The following MAP4 variants were observed in gnomAD, a reference collection of about 807,000 sequenced individuals.
The protein encoded by MAP4 is microtubule associated protein 4, also known as microtubule-associated protein 4.
MAP4 carries 76 observed loss-of-function variants against 170.2 expected under a neutral mutation model. The ratio of observed to expected loss-of-function variants is 0.45; its 90% CI spans 0.37 to 0.54. MAP4 has a LOEUF of 0.54. MAP4 is among the 20% of genes least tolerant of loss of function. MAP4 has a pLI of 0.00. For missense variants in MAP4, 2,506 were observed against 2,748.0 expected, an observed-to-expected ratio of 0.91 and a Z score of 1.97; for synonymous variants, 909 against 994.5, an observed-to-expected ratio of 0.91 and a Z score of 1.62.
intron 17 of MAP4, among the ~76,000 whole-genome samples, chr3:47,859,629 T>C (rs987165885): frequency 4.6e-5 from 7 of 152,236 alleles, no homozygotes; most frequent in Admixed American, 3.9e-4. Context: ...CGTCTCTTTC[T>C]CATATCATCT....
intron 1 of MAP4, among the ~76,000 whole-genome samples, chr3:48,068,880 T>C (rs911442754): frequency 2.0e-5 from 3 of 152,236 alleles, no homozygotes; most frequent in Non-Finnish European, 4.4e-5. Flanking sequence ...ATGTATAGCA[T>C]TTACAGTGTG....
chr3:47,961,586 C>A (rs1254273716), intron 3 of MAP4, among the ~76,000 whole-genome samples: 2 of 152,166 alleles, frequency 1.3e-5, no homozygotes, highest in Non-Finnish European at 2.9e-5. Flanking sequence ...CTCTCAATTC[C>A]AAATCTACCT....
chr3:47,944,447 ACTG>A (rs2100058438), intron 3 of MAP4, among the ~76,000 whole-genome samples: 2 of 152,070 alleles, frequency 1.3e-5, no homozygotes, highest in South Asian at 2.1e-4. Context: ...ATATTATATG[ACTG>A]CTGTTTCCTC....
Position 47,852,641 on chromosome 3 carries a change from A to T in MAP4, c.*293T>A. The T allele has an allele frequency of 9.2e-7, 1 of 1,084,814 alleles. No homozygotes were observed. The highest frequency in any genetic ancestry group is 1.3e-6 in the Non-Finnish European group (1 of 778,826). 67.2% of individuals were successfully genotyped at this position (1,084,814 alleles called of 1,614,324 possible). On this transcript the variant is annotated 3_prime_UTR_variant, in exon 21 of 21. Transcript: ENST00000683076. ...AACCTCCTCCACGGAGCAGTGGCGC[A>T]GTGATGGGGCAAGACCAAAGCAGGG...
intron 8 of MAP4, among the ~76,000 whole-genome samples, chr3:47,914,460 G>T (rs779697854): frequency 6.6e-6 from 1 of 150,456 alleles, no homozygotes; most frequent in Non-Finnish European, 1.5e-5. Context: ...TGAGGCAGGA[G>T]AATCGCTTGA....
At chr3:48,055,252 C>T (rs2100130368) in intron 1 of MAP4, among the ~76,000 whole-genome samples, 1 of 152,058 alleles carries the variant, frequency 6.6e-6, no homozygotes. Flanking sequence ...CCATGGTCTC[C>T]CTCTCATGCG....
chr3:47,975,156 G>A, intron 3 of MAP4: 12 of 1,149,132 alleles, frequency 1.0e-5, no homozygotes, highest in Non-Finnish European at 1.3e-5. Flanking sequence ...AAGAAAACAA[G>A]AAATAAAAGA....
rs545884980 is a variant in MAP4 at position 47,906,575 on chromosome 3, C to T, written c.5383+2463G>A. Among the ~76,000 whole-genome samples the T allele has an allele frequency of 2.4e-3, 355 of 150,854 alleles. 1 individual carries two copies. The highest frequency in any genetic ancestry group is 6.8e-3 in the Middle Eastern group (2 of 292). On this transcript the variant is annotated intron_variant, in intron 9 of 20. Transcript: ENST00000683076. ...GTGCATGCCTGTAATCCCAGCTACT[C>T]GGGAGGCTGAGGCAGGAGAATCACT...
intron 1 of MAP4, among the ~76,000 whole-genome samples, chr3:48,031,451 C>T (rs1377150678): frequency 5.9e-5 from 9 of 151,800 alleles, no homozygotes; most frequent in African/African-American, 1.7e-4. Context: ...CTTGGGAGGC[C>T]GAGGCAGGAG....
chr3:47,947,282 GT>G (rs1266518058), intron 3 of MAP4, among the ~76,000 whole-genome samples: 1 of 152,142 alleles, frequency 6.6e-6, no homozygotes, highest in Admixed American at 6.5e-5. Flanking sequence ...CCTTGGAGGG[GT>G]TTTCCACTCC....
At chr3:47,983,228 A>G (rs2154299347) in intron 2 of MAP4, among the ~76,000 whole-genome samples, 1 of 152,190 alleles carries the variant, frequency 6.6e-6, no homozygotes, top group East Asian at 1.9e-4. Flanking sequence ...AATTTTTAAG[A>G]GAGAGGGTTT....
chr3:48,017,138 A>G (rs1160342021), upstream of MAP4, among the ~76,000 whole-genome samples: 6 of 151,396 alleles, frequency 4.0e-5, no homozygotes, highest in Admixed American at 1.3e-4. Flanking sequence ...TAATAGATGG[A>G]AAAAAAAATG....
chr3:47,893,962 A>G (rs2100025450), intron 10 of MAP4, among the ~76,000 whole-genome samples: 2 of 151,814 alleles, frequency 1.3e-5, no homozygotes, highest in Admixed American at 1.3e-4. Context: ...TATTCATACC[A>G]CTCAAGTTCC....
At chr3:48,078,204 G>A (rs2100144897) in intron 1 of MAP4, among the ~76,000 whole-genome samples, 1 of 152,024 alleles carries the variant, frequency 6.6e-6, no homozygotes, top group African/African-American at 2.4e-5. Flanking sequence ...TAGAGTGCAC[G>A]ATCATGGCTC....
At position 47,909,973 on chromosome 3, in the gene MAP4, G is replaced by C; in HGVS notation, c.4448C>G (p.Thr1483Ser). 2 of 1,614,014 alleles carry C rather than the reference G, an allele frequency of 1.2e-6. No individual in the cohort carries two copies. Among genetic ancestry groups the C allele is most frequent in the Non-Finnish European group, 1.7e-6 (2 of 1,179,896 alleles). Residue 1483 changes from threonine to serine, a missense_variant, in exon 9 of 21, where the codon ACC becomes AGC. This residue lies in a region of MAP4 where 2,008 missense variants were observed against 2,206.0 expected (regional missense o/e 0.91). Transcript: ENST00000683076. Reference sequence around the variant, plus strand: ...TTCTTGACCTGGGACTCCATCTTTGGTGTAGTTATCTACCATTAATGATTT... The same window carrying C: ...TTCTTGACCTGGGACTCCATCTTTGCTGTAGTTATCTACCATTAATGATTT... ...ISKSLMVDNY[T>S]KDGVPGQERP...
intron 3 of MAP4, among the ~76,000 whole-genome samples, chr3:47,971,817 T>C (rs1198015576): frequency 7.9e-5 from 12 of 152,170 alleles, no homozygotes; most frequent in Non-Finnish European, 1.5e-4. Flanking sequence ...TGTCTTTGCC[T>C]AGAACACCCT....
intron 4 of MAP4, among the ~76,000 whole-genome samples, chr3:47,925,756 CAG>C (rs1346372447): frequency 6.6e-6 from 1 of 152,094 alleles, no homozygotes; most frequent in Non-Finnish European, 1.5e-5. Flanking sequence ...TTAAAAGGTA[CAG>C]AGTTTCTTTT....
chr3:48,005,678 G>A (rs2154404188), intron 1 of MAP4, among the ~76,000 whole-genome samples: 1 of 152,342 alleles, frequency 6.6e-6, no homozygotes, highest in Non-Finnish European at 1.5e-5. Context: ...GGGAGATTGA[G>A]GTGGTGGAGT....
At chr3:47,930,101 G>C (rs1302973650) in intron 3 of MAP4, among the ~76,000 whole-genome samples, 1 of 152,126 alleles carries the variant, frequency 6.6e-6, no homozygotes, top group Non-Finnish European at 1.5e-5. Flanking sequence ...CTGTACTGCA[G>C]CCTGGGGCAA....
Sources: gnomAD v4.1 joint callset for allele counts (sites outside exome capture counted in the v4.1 genomes callset) on GRCh38, gnomAD v4.1.1 for gene constraint, gnomAD v4.1.1 regional missense constraint, MANE v1.5 for transcripts, NCBI Gene and HGNC (gene_info 2026-07-23, HGNC 2026-07-21) for gene names.